PAMR1: variants seen among roughly 807,000 people sequenced by gnomAD.
PAMR1 encodes the protein peptidase domain containing associated with muscle regeneration 1, also known as inactive serine protease PAMR1.
A neutral mutation model predicts 81.8 loss-of-function variants in PAMR1; 88 were observed. That is an observed-to-expected ratio of 1.08 (90% CI 0.91 to 1.28). The LOEUF is 1.28. Ranked by LOEUF, PAMR1 falls within the 50% of genes most tolerant of loss-of-function variation. PAMR1 has a pLI of 0.00. For missense variants in PAMR1, 935 were observed against 919.7 expected (o/e 1.02, Z -0.21); for synonymous variants, 336 against 345.3 (o/e 0.97, Z 0.30).
Position 35,500,846 on chromosome 11 carries a change from G to A in PAMR1, c.74-6574C>T, listed in dbSNP as rs887580700. 2.0e-5 allele frequency among the ~76,000 whole-genome samples: 3 copies of A among 152,098 alleles called. 1 individual carries two copies. The highest frequency in any genetic ancestry group is 4.4e-5 in the Non-Finnish European group (3 of 68,012). ...CAATTGTAATACAACAGTAAGTACT[G>A]GTGTATCTAAACATATCTAAACAGA... On this transcript the variant is annotated intron_variant, in intron 1 of 10. Transcript: ENST00000619888.
chr11:35,435,679 T>C (rs1856025399), intron 9 of PAMR1, among the ~76,000 whole-genome samples: 1 of 151,980 alleles, frequency 6.6e-6, no homozygotes. Flanking sequence ...GTAAATATGA[T>C]AGAATCACCC....
chr11:35,499,495 T>C (rs1247296562), intron 1 of PAMR1, among the ~76,000 whole-genome samples: 4 of 152,212 alleles, frequency 2.6e-5, no homozygotes, highest in African/African-American at 4.8e-5. Context: ...TAAGATTCTG[T>C]ACATCAACAT....
intron 1 of PAMR1, among the ~76,000 whole-genome samples, chr11:35,507,039 C>CCTTATTTTTTTTTTTTT (rs1433957199): frequency 1.2e-5 from 1 of 86,862 alleles, no homozygotes; most frequent in African/African-American, 4.5e-5. Flanking sequence ...AATAGCCTGA[C>CCTTATTTTTTTTTTTTT]TTTTTTTTTT....
chr11:35,522,415 T>C (rs1851302676), intron 1 of PAMR1, among the ~76,000 whole-genome samples: 1 of 152,226 alleles, frequency 6.6e-6, no homozygotes, highest in Admixed American at 6.5e-5. Flanking sequence ...TGAATTTGAC[T>C]ATTCTAAGTA....
intron 6 of PAMR1, among the ~76,000 whole-genome samples, chr11:35,459,762 G>A: frequency 6.6e-6 from 1 of 152,110 alleles, no homozygotes; most frequent in Non-Finnish European, 1.5e-5. Context: ...GAAACTGCAT[G>A]GCATGTAACA....
At chr11:35,488,684 T>TA in intron 3 of PAMR1, among the ~76,000 whole-genome samples, 1 of 144,846 alleles carries the variant, frequency 6.9e-6, no homozygotes, top group Admixed American at 6.9e-5. Flanking sequence ...TTTTTTTTTT[T>TA]TTTTTTTTGG....
At chr11:35,463,476 G>A (rs903420881) in intron 6 of PAMR1, among the ~76,000 whole-genome samples, 9 of 152,180 alleles carry the variant, frequency 5.9e-5, no homozygotes, top group Admixed American at 4.6e-4. Flanking sequence ...AGAGCAGGAC[G>A]ATGAATCCCT....
chr11:35,471,845 G>A (rs1850194013), intron 4 of PAMR1, among the ~76,000 whole-genome samples: 1 of 152,128 alleles, frequency 6.6e-6, no homozygotes, highest in Admixed American at 6.5e-5. Context: ...TTCACAAAAT[G>A]TATGTCTGTA....
chr11:35,481,463 T>G (rs1850388230), intron 3 of PAMR1, among the ~76,000 whole-genome samples: 1 of 152,204 alleles, frequency 6.6e-6, no homozygotes, highest in Non-Finnish European at 1.5e-5. Flanking sequence ...TCAGTGATGC[T>G]AAGCTTTTTT....
At chr11:35,525,050 CAGA>C (rs1354298309) in intron 1 of PAMR1, among the ~76,000 whole-genome samples, 1 of 152,010 alleles carries the variant, frequency 6.6e-6, no homozygotes, top group African/African-American at 2.4e-5. Flanking sequence ...CAAGATTCAC[CAGA>C]AGAACACCAA....
rs377245331 is a variant in PAMR1, at chr11:35,433,821, G to GGGATGGATGGATGGATGGAT, written c.1626+671_1626+690dup. Among the ~76,000 whole-genome samples the GGGATGGATGGATGGATGGAT allele has an allele frequency of 8.5e-3, 1,269 of 149,516 alleles. 23 individuals carry two copies. Among genetic ancestry groups the GGGATGGATGGATGGATGGAT allele is most frequent in the African/African-American group, 0.03 (1,216 of 40,072 alleles). ...ATGGATGGATAGATGGAGGGATGGA[G>GGGATGGATGGATGGATGGAT]GGATGGATGGATGGATGGATGGATG... On this transcript the variant is annotated intron_variant, in intron 10 of 10. Coordinates refer to ENST00000619888, the MANE Select transcript of PAMR1 (RefSeq NM_001001991.3).
Position 35,492,129 on chromosome 11 carries a change from A to G in PAMR1, c.295T>C (p.Trp99Arg). The G allele has an allele frequency of 1.2e-6, 2 of 1,614,052 alleles. No homozygotes were observed. Among genetic ancestry groups the G allele is most frequent in the Non-Finnish European group, 1.7e-6 (2 of 1,179,946 alleles). The change falls in exon 3 of 11, where the codon TGG (tryptophan) becomes CGG (arginine). Residue 99 changes from tryptophan (W) to arginine (R), a missense_variant. Transcript: ENST00000619888. ...TAGAAGTCATCCAAGGTACCCCCCC[A>G]TGAGCCATTTCGGCAGCTCTTGCAG... is the stretch of plus-strand genomic sequence containing the variant. The part of the protein sequence containing the change: ...ENCKSCRNGS[W>R]GGTLDDFYVK...
chr11:35,456,402 TGAAAA>T (rs1856534565), intron 6 of PAMR1, among the ~76,000 whole-genome samples: 3 of 152,216 alleles, frequency 2.0e-5, no homozygotes, highest in Admixed American at 2.0e-4. Context: ...CCGTGCTGTC[TGAAAA>T]GAAATTTCTT....
intron 6 of PAMR1, among the ~76,000 whole-genome samples, chr11:35,449,036 G>A (rs995374026): frequency 2.0e-5 from 3 of 152,318 alleles, no homozygotes; most frequent in Non-Finnish European, 4.4e-5. Flanking sequence ...TCCCACAGGG[G>A]CACCAAACTG....
rs532929925 is a variant in PAMR1, at chr11:35,467,994, T to C, written c.820+7A>G. On this transcript the variant is annotated splice_region_variant and intron_variant, in intron 6 of 10. Transcript: ENST00000619888. ...CACCTTAACTCCCACTTAGGAAGCA[T>C]ACTCACGATTTTCACAGCGCTGCCC... is the stretch of plus-strand genomic sequence containing the variant. The C allele has an allele frequency of 1.3e-6, 2 of 1,530,182 alleles. No homozygotes were observed. Among genetic ancestry groups the C allele is most frequent in the African/African-American group, 1.4e-5 (1 of 73,048 alleles). 94.8% of individuals were successfully genotyped at this position (1,530,182 alleles called of 1,614,324 possible).
chr11:35,462,065 G>C (rs184983285), intron 6 of PAMR1, among the ~76,000 whole-genome samples: 1 of 147,170 alleles, frequency 6.8e-6, no homozygotes, highest in Admixed American at 6.7e-5. Context: ...CTCCCTGTCC[G>C]TTTAACAAAA....
intron 3 of PAMR1, among the ~76,000 whole-genome samples, chr11:35,490,983 C>T (rs560511250): frequency 1.3e-5 from 2 of 152,142 alleles, no homozygotes; most frequent in Non-Finnish European, 2.9e-5. Flanking sequence ...AAATCAGCTG[C>T]CAAAGAAGAC....
Position 35,434,650 on chromosome 11 carries a change from C to A in PAMR1, c.1488G>T (p.Glu496Asp). ...AGTGGGCAGCCACCACCACAGTGCG[C>A]TCATTCACCAGGGCACCGCTGCAGA... ...FLVCSGALVN[E>D]RTVVVAAHCV... The change falls in exon 10 of 11, where the codon GAG becomes GAT. Residue 496 changes from glutamate (E) to aspartate (D), a missense_variant. Glu to Asp is a conservative substitution (Grantham distance 45). Coordinates refer to ENST00000619888, the MANE Select transcript of PAMR1 (RefSeq NM_001001991.3). 1 of 1,614,210 alleles carries A rather than the reference C, an allele frequency of 6.2e-7. No individual in the cohort carries two copies. The highest frequency in any genetic ancestry group is 8.5e-7 in the Non-Finnish European group (1 of 1,180,044).
intron 6 of PAMR1, among the ~76,000 whole-genome samples, chr11:35,458,349 T>A (rs1342362581): frequency 6.6e-6 from 1 of 152,230 alleles, no homozygotes; most frequent in Non-Finnish European, 1.5e-5. Context: ...TTCCAAATTA[T>A]TTTATTTTAC....
Sources: gnomAD v4.1 joint callset for allele counts (sites outside exome capture counted in the v4.1 genomes callset) on GRCh38, gnomAD v4.1.1 for gene constraint, MANE v1.5 for transcripts, NCBI Gene and HGNC (gene_info 2026-07-23, HGNC 2026-07-21) for gene names.